NAALADL2: variants seen among roughly 807,000 people sequenced by gnomAD.
NAALADL2 encodes the protein inactive N-acetylated-alpha-linked acidic dipeptidase-like protein 2.
NAALADL2 carries 76 observed loss-of-function variants against 87.2 expected under a neutral mutation model. The ratio of observed to expected loss-of-function variants is 0.87; its 90% CI spans 0.72 to 1.05. The LOEUF (loss-of-function observed/expected upper bound fraction) is 1.05, where lower values mean the gene tolerates loss of function less well. Among genes scored for constraint, NAALADL2 ranks in the 50% least tolerant of loss-of-function variants. NAALADL2 has a pLI of 0.00. For missense variants in NAALADL2, 1,089 were observed against 945.8 expected (o/e 1.15, Z -1.99); for synonymous variants, 354 against 331.0 (o/e 1.07, Z -0.75).
At position 175,210,540 on chromosome 3, in the gene NAALADL2, C is replaced by A. The variant is rs370869747; in HGVS notation, c.546-23391C>A. On this transcript the variant is annotated intron_variant, in intron 2 of 13. Transcript: ENST00000454872. The stretch of plus-strand genomic sequence containing the variant: ...GTGAATATGTAATTATATATTAAAT[C>A]TTACTTATATTGTATGTGAAGCTTA... Among the ~76,000 whole-genome samples the A allele has an allele frequency of 2.0e-5, 3 of 151,374 alleles. No individual in the cohort carries two copies. The East Asian group carries it at 5.8e-4, about 29-fold the overall frequency.
intron 11 of NAALADL2, among the ~76,000 whole-genome samples, chr3:175,680,501 A>AGCTGGCTT (rs1735441913): frequency 6.6e-6 from 1 of 152,194 alleles, no homozygotes; most frequent in Admixed American, 6.5e-5. Flanking sequence ...ATTGTTTATT[A>AGCTGGCTT]GCTGGCTTCA....
intron 3 of NAALADL2, among the ~76,000 whole-genome samples, chr3:174,776,644 CAG>C (rs1715245558): frequency 6.6e-6 from 1 of 152,100 alleles, no homozygotes; most frequent in Admixed American, 6.6e-5. Flanking sequence ...TTATAACTGA[CAG>C]ATGATCAGTT....
intron 2 of NAALADL2, among the ~76,000 whole-genome samples, chr3:174,721,907 C>T (rs1374416997): frequency 6.6e-6 from 1 of 152,140 alleles, no homozygotes; most frequent in Non-Finnish European, 1.5e-5. Context: ...GGGTCCAAGA[C>T]GCATTTCAGG....
chr3:174,977,578 A>G (rs558262395), intron 1 of NAALADL2, among the ~76,000 whole-genome samples: 11 of 152,316 alleles, frequency 7.2e-5, no homozygotes, highest in African/African-American at 2.4e-4. Flanking sequence ...ATTTAAGGCT[A>G]TTAGGTCTTC....
intron 2 of NAALADL2, among the ~76,000 whole-genome samples, chr3:175,175,399 A>C (rs1029475188): frequency 1.3e-5 from 2 of 152,010 alleles, no homozygotes; most frequent in African/African-American, 4.8e-5. Flanking sequence ...CATGTAGTCT[A>C]TGTTGGTTGG....
intron 1 of NAALADL2, among the ~76,000 whole-genome samples, chr3:175,013,103 C>T (rs796200212): frequency 0.5 from 8,810 of 17,610 alleles, 2,235 homozygotes; most frequent in African/African-American, 0.7. Flanking sequence ...TATAAATATA[C>T]ATATTTATAT....
In NAALADL2 at chr3:175,043,370, C is replaced by G. The variant is rs1754306933; in HGVS notation, c.44-53420C>G. Among the ~76,000 whole-genome samples the G allele has an allele frequency of 1.3e-5, 2 of 152,088 alleles. 1 individual carries two copies. The highest frequency in any genetic ancestry group is 4.1e-4 in the South Asian group (2 of 4,830). On this transcript the variant is annotated intron_variant, in intron 1 of 13. Transcript: ENST00000454872. ...TCTCCTGCCTCAGCCTCGTAAGTAG[C>G]TGGGATTACAGGCACGCGCCACGAT...
chr3:174,974,580 T>G (rs1337112964), intron 1 of NAALADL2, among the ~76,000 whole-genome samples: 10 of 152,208 alleles, frequency 6.6e-5, no homozygotes, highest in African/African-American at 2.4e-4. Flanking sequence ...CACCAATGAT[T>G]ATTTTTCCTT....
chr3:174,837,639 C>T (rs1003177503), intron 3 of NAALADL2, among the ~76,000 whole-genome samples: 2 of 151,966 alleles, frequency 1.3e-5, no homozygotes, highest in Non-Finnish European at 2.9e-5. Context: ...ACTAAAAATA[C>T]AGAAATTAGC....
chr3:175,369,349 A>G lies in NAALADL2; in HGVS notation c.1090+45024A>G, dbSNP rs566250026. ...TGTGTGCCTGTGTGCGTGTGTGTAC[A>G]TATACATGTTACATTTACATACACC... On this transcript the variant is annotated intron_variant, in intron 5 of 13. Coordinates refer to ENST00000454872, the MANE Select transcript of NAALADL2 (RefSeq NM_207015.3). Among the ~76,000 whole-genome samples, 116 of 152,082 alleles carry G rather than the reference A, an allele frequency of 7.6e-4. 4 individuals are homozygous for G. The highest frequency in any genetic ancestry group is 3.4e-3 in the Middle Eastern group (1 of 294).
chr3:174,958,783 C>T (rs1262277075), intron 1 of NAALADL2, among the ~76,000 whole-genome samples: 2 of 152,026 alleles, frequency 1.3e-5, no homozygotes, highest in East Asian at 3.9e-4. Flanking sequence ...AGACTGCTTA[C>T]ATTCAATCAG....
chr3:175,137,481 TCAC>T (rs564970424), intron 2 of NAALADL2, among the ~76,000 whole-genome samples: 12 of 152,238 alleles, frequency 7.9e-5, no homozygotes, highest in Admixed American at 1.3e-4. Flanking sequence ...ATGCAAATTA[TCAC>T]CACTTTTTTA....
At chr3:174,495,090 ATATC>A (rs923552441) in intron 1 of NAALADL2, among the ~76,000 whole-genome samples, 13 of 152,316 alleles carry the variant, frequency 8.5e-5, no homozygotes, top group African/African-American at 3.1e-4. Flanking sequence ...ATTAGCCAAA[ATATC>A]TACTGGAGAA....
chr3:175,318,971 C>G (rs1302809335), intron 4 of NAALADL2, among the ~76,000 whole-genome samples: 1 of 143,588 alleles, frequency 7.0e-6, no homozygotes, highest in African/African-American at 2.6e-5. Flanking sequence ...GAGTTATATT[C>G]TATTATATTT....
chr3:175,058,119 A>G (rs1324066815), intron 1 of NAALADL2, among the ~76,000 whole-genome samples: 1 of 152,180 alleles, frequency 6.6e-6, no homozygotes, highest in Admixed American at 6.5e-5. Context: ...CTATTACGAG[A>G]AAAATGCTTC....
intron 4 of NAALADL2, among the ~76,000 whole-genome samples, chr3:175,258,022 G>A (rs114581084): frequency 0.015 from 2,332 of 151,960 alleles, 55 homozygotes; most frequent in African/African-American, 0.053. Context: ...TAAATGAAAC[G>A]ATGGGGCCAG....
chr3:174,558,774 T>C (rs907457595), intron 2 of NAALADL2, among the ~76,000 whole-genome samples: 1 of 152,002 alleles, frequency 6.6e-6, no homozygotes, highest in Non-Finnish European at 1.5e-5. Context: ...GGCCTGAGGG[T>C]TGGGGATTTC....
chr3:174,879,413 G>A (rs1728914154), intron 1 of NAALADL2, among the ~76,000 whole-genome samples: 1 of 151,916 alleles, frequency 6.6e-6, no homozygotes, highest in Non-Finnish European at 1.5e-5. Flanking sequence ...CAATGACTTT[G>A]TCTTTAATAT....
At chr3:174,760,991 T>G (rs1239476971) in intron 3 of NAALADL2, among the ~76,000 whole-genome samples, 3 of 152,216 alleles carry the variant, frequency 2.0e-5, no homozygotes, top group African/African-American at 7.2e-5. Context: ...ACACAGCTGA[T>G]GCAGTACACA....
Sources: gnomAD v4.1 joint callset for allele counts (sites outside exome capture counted in the v4.1 genomes callset) on GRCh38, gnomAD v4.1.1 for gene constraint, MANE v1.5 for transcripts, NCBI Gene and HGNC (gene_info 2026-07-23, HGNC 2026-07-21) for gene names.